UNC13C: variants seen among roughly 807,000 people sequenced by gnomAD.
UNC13C encodes unc-13 homolog C.
A neutral mutation model predicts 245.4 loss-of-function variants in UNC13C; 174 were observed. The observed-to-expected ratio is 0.71, with a 90% confidence interval of 0.63 to 0.80. The LOEUF is 0.80. UNC13C is among the 30% of genes least tolerant of loss of function. The pLI is 0.00. For missense variants in UNC13C, 2,829 were observed against 2,602.9 expected, an observed-to-expected ratio of 1.09 and a Z score of -1.89; for synonymous variants, 992 against 895.1, an observed-to-expected ratio of 1.11 and a Z score of -1.93.
At chr15:54,611,607 A>G (rs1900099012) in intron 30 of UNC13C, 1 of 152,200 alleles carries the variant, frequency 6.6e-6, no homozygotes, top group Admixed American at 6.5e-5. Context: ...CTCTTCTGGA[A>G]AAGTATATGC....
chr15:54,492,364 T>A (rs1377523231), intron 19 of UNC13C, among the ~76,000 whole-genome samples: 1 of 152,072 alleles, frequency 6.6e-6, no homozygotes, highest in Admixed American at 6.6e-5. Context: ...CTAAGGTAAA[T>A]CATTTGAATA....
intron 2 of UNC13C, chr15:54,049,584 G>T (rs964569801): frequency 1.2e-5 from 3 of 248,678 alleles, no homozygotes; most frequent in Non-Finnish European, 1.6e-5. Context: ...AATATTACTT[G>T]AAACTTTTTC....
chr15:54,030,699 A>G (rs1896321087), intron 2 of UNC13C, among the ~76,000 whole-genome samples: 1 of 152,176 alleles, frequency 6.6e-6, no homozygotes, highest in East Asian at 1.9e-4. Flanking sequence ...TGGGAAGTTT[A>G]AGTCCCGGTT....
intron 4 of UNC13C, among the ~76,000 whole-genome samples, chr15:54,181,493 T>C (rs985994990): frequency 2.6e-5 from 4 of 151,920 alleles, no homozygotes; most frequent in African/African-American, 9.7e-5. Context: ...TTGTTTGTTT[T>C]TGTTTTTTCT....
chr15:54,333,422 A>T (rs1327130048), intron 15 of UNC13C, among the ~76,000 whole-genome samples: 2 of 151,934 alleles, frequency 1.3e-5, no homozygotes, highest in Non-Finnish European at 2.9e-5. Flanking sequence ...AATCATGAAA[A>T]TTTTTTCCTA....
rs1321470074 is a variant in UNC13C at position 54,265,499 on chromosome 15, G to A, written c.3818+3G>A. On this transcript the variant is annotated splice_donor_region_variant and intron_variant, in intron 10 of 32. Coordinates refer to ENST00000260323, the MANE Select transcript of UNC13C (RefSeq NM_001080534.3). ...GTATGGGATGAGAAGTTTTATTTGT[G>A]AGTATATAATGTGAAACCTTTACAA... is the stretch of plus-strand genomic sequence containing the variant. 2.0e-6 allele frequency: 3 copies of A among 1,531,342 alleles called. No individual in the cohort carries two copies. Among genetic ancestry groups the A allele is most frequent in the South Asian group, 2.5e-5 (2 of 80,986 alleles). The allele number at this position is 1,531,342 out of a possible 1,614,324, so 94.9% of individuals were successfully genotyped here. A position where few individuals can be genotyped will look rare whatever the true frequency, so the allele number is the denominator to read the frequency against.
intron 2 of UNC13C, among the ~76,000 whole-genome samples, chr15:54,113,240 G>T (rs1012404385): frequency 6.6e-6 from 1 of 152,176 alleles, no homozygotes; most frequent in African/African-American, 2.4e-5. Context: ...GAGGGAAGGA[G>T]AGAGAAAAGA....
chr15:54,621,484 A>AACATGTACTT (rs138708653), intron 30 of UNC13C, among the ~76,000 whole-genome samples: 21,381 of 152,048 alleles, frequency 0.14, 1,555 homozygotes, highest in Middle Eastern at 0.23. Context: ...GTAGTCGTTG[A>AACATGTACTT]TGTAGTGACA....
rs113864477 is a variant in UNC13C at position 54,405,858 on chromosome 15, T to A, written c.4848-9124T>A. Among the ~76,000 whole-genome samples, 88 of 152,282 alleles carry A rather than the reference T, an allele frequency of 5.8e-4. 1 individual carries two copies. The highest frequency in any genetic ancestry group is 1.5e-3 in the African/African-American group (61 of 41,562). ...TGTTAGCTTTGCAAATGTTACTAAG[T>A]TATATTCTGGCTGCTAAAATGGTTT... is the stretch of plus-strand genomic sequence containing the variant. On this transcript the variant is annotated intron_variant, in intron 18 of 32. Transcript: ENST00000260323.
At chr15:54,221,120 A>G (rs75063761) in intron 4 of UNC13C, among the ~76,000 whole-genome samples, 1,598 of 152,178 alleles carry the variant, frequency 0.011, 25 homozygotes, top group African/African-American at 0.037. Context: ...TGTATTGACA[A>G]AAATGGTAGA....
intron 23 of UNC13C, among the ~76,000 whole-genome samples, chr15:54,509,489 A>G (rs1881954392): frequency 6.6e-6 from 1 of 152,158 alleles, no homozygotes; most frequent in South Asian, 2.1e-4. Flanking sequence ...TGAAACTTTC[A>G]TATTCACTAT....
intron 13 of UNC13C, among the ~76,000 whole-genome samples, chr15:54,316,443 G>A (rs2140971254): frequency 6.6e-6 from 1 of 151,842 alleles, no homozygotes; most frequent in South Asian, 2.1e-4. Flanking sequence ...TTGACTGTTA[G>A]CCCAGCCTCA....
chr15:54,060,105 A>G (rs1289625267), intron 2 of UNC13C, among the ~76,000 whole-genome samples: 1 of 151,844 alleles, frequency 6.6e-6, no homozygotes, highest in Admixed American at 6.6e-5. Flanking sequence ...ACAAAAGCCA[A>G]AATTGACAGA....
At chr15:54,008,930 T>C (rs529951927) in intron 1 of UNC13C, among the ~76,000 whole-genome samples, 4 of 152,340 alleles carry the variant, frequency 2.6e-5, no homozygotes, top group African/African-American at 9.6e-5. Context: ...TAATAATGCC[T>C]TTTTTAAAGA....
chr15:54,126,217 A>G (rs569755918), intron 2 of UNC13C, among the ~76,000 whole-genome samples: 56 of 152,248 alleles, frequency 3.7e-4, no homozygotes, highest in African/African-American at 1.1e-3. Context: ...TGCCTCAACT[A>G]TATGCTCTCC....
chr15:54,069,577 A>C (rs1210046280), intron 2 of UNC13C, among the ~76,000 whole-genome samples: 1 of 152,154 alleles, frequency 6.6e-6, no homozygotes, highest in Non-Finnish European at 1.5e-5. Flanking sequence ...GTTTGTGTCA[A>C]ATGTTGTTTT....
At position 54,470,858 on chromosome 15, in the gene UNC13C, C is replaced by G. The variant is rs988312838; in HGVS notation, c.4934-23750C>G. On this transcript the variant is annotated intron_variant, in intron 19 of 32. Transcript: ENST00000260323. ...TTTTTTTTACTTTTAGATCTTTCTT[C>G]TTTTTTAATGTAGGCATTTATTGCT... 2.0e-5 allele frequency among the ~76,000 whole-genome samples: 3 copies of G among 150,814 alleles called. No homozygotes were observed. The East Asian group carries it at 5.8e-4, about 29-fold the overall frequency.
chr15:54,144,653 C>G (rs1243611968), intron 4 of UNC13C, among the ~76,000 whole-genome samples: 1 of 152,098 alleles, frequency 6.6e-6, no homozygotes, highest in Non-Finnish European at 1.5e-5. Flanking sequence ...GCCGTTTTCT[C>G]TTTTTCCATT....
chr15:54,567,723 C>T, intron 29 of UNC13C, 77 bp from the exon 30 acceptor site: 1 of 1,297,916 alleles, frequency 7.7e-7, no homozygotes, highest in African/African-American at 1.5e-5. Flanking sequence ...TCCATTTGAG[C>T]TTCTCTATTA....
Sources: allele counts gnomAD v4.1 joint callset (sites outside exome capture counted in the v4.1 genomes callset), GRCh38; gene constraint gnomAD v4.1.1; transcripts MANE v1.5; gene names NCBI Gene and HGNC (gene_info 2026-07-23, HGNC 2026-07-21).